PAPSS2: variants seen among roughly 807,000 people sequenced by gnomAD.
PAPSS2 encodes the protein 3'-phosphoadenosine 5'-phosphosulfate synthase 2, also known as bifunctional 3'-phosphoadenosine 5'-phosphosulfate synthase 2.
PAPSS2 carries 61 observed loss-of-function variants against 66.5 expected under a neutral mutation model. The observed-to-expected ratio is 0.92, with a 90% CI of 0.75 to 1.14. PAPSS2 has a LOEUF of 1.14. Ranked by LOEUF, PAPSS2 falls within the 50% of genes most tolerant of loss-of-function variation. The pLI is 0.00. For missense variants in PAPSS2, 708 were observed against 789.6 expected (o/e 0.90, Z 1.24); for synonymous variants, 289 against 287.5 (o/e 1.01, Z -0.05).
In PAPSS2 at chr10:87,715,315, T is replaced by A. The variant is rs1853519599; in HGVS notation, c.753+217T>A. Among the ~76,000 whole-genome samples the A allele has an allele frequency of 2.0e-5, 3 of 152,114 alleles. No homozygotes were observed. In the South Asian group the frequency reaches 6.2e-4, roughly 31 times the overall value. On this transcript the variant is annotated intron_variant, in intron 6 of 12. Transcript: ENST00000456849. ...AGCTGATCAATGCCATGTATGGAGG[T>A]GACTGGGAAAATAACTTCTGTATTT...
chr10:87,732,478 G>A (rs1415493602), intron 9 of PAPSS2, among the ~76,000 whole-genome samples: 4 of 151,600 alleles, frequency 2.6e-5, no homozygotes, highest in Non-Finnish European at 5.9e-5. Context: ...AGCTGTGATT[G>A]TATCAGTGCA....
chr10:87,732,447 T>C (rs1472907843), intron 9 of PAPSS2, among the ~76,000 whole-genome samples: 5 of 151,620 alleles, frequency 3.3e-5, no homozygotes, highest in Non-Finnish European at 5.9e-5. Flanking sequence ...CACCTGAGCC[T>C]GGGAAGTCGA....
At chr10:87,738,563 C>T (rs569698327) in intron 9 of PAPSS2, among the ~76,000 whole-genome samples, 1 of 152,126 alleles carries the variant, frequency 6.6e-6, no homozygotes, top group Non-Finnish European at 1.5e-5. Flanking sequence ...GCATGCACCA[C>T]CATGCCAGAT....
Position 87,706,108 on chromosome 10 carries a change from A to ATATATATGTGTGTGTGTG in PAPSS2, c.28-3087_28-3086insATATATGTGTGTGTGTGT. On this transcript the variant is annotated intron_variant, in intron 1 of 12. Coordinates refer to ENST00000456849, the MANE Select transcript of PAPSS2 (RefSeq NM_001015880.2). ...GGTATATATATATATATATATATAT[A>ATATATATGTGTGTGTGTG]TGTGTGTGTGTGTGTGTGTGTGTGT... Among the ~76,000 whole-genome samples, 9 of 52,022 alleles carry ATATATATGTGTGTGTGTG rather than the reference A, an allele frequency of 1.7e-4. 1 individual carries two copies. The highest frequency in any genetic ancestry group is 5.0e-4 in the African/African-American group (5 of 10,004). 34.1% of individuals were successfully genotyped at this position (52,022 alleles called of 152,430 possible). A position where few individuals can be genotyped will look rare whatever the true frequency, so the allele number is the denominator to read the frequency against.
At chr10:87,695,576 T>A (rs1486453524) in intron 1 of PAPSS2, among the ~76,000 whole-genome samples, 1 of 152,208 alleles carries the variant, frequency 6.6e-6, no homozygotes, top group Non-Finnish European at 1.5e-5. Context: ...GCTTACTGCC[T>A]ACTGTGGGAT....
At chr10:87,699,177 C>T (rs1389324843) in intron 1 of PAPSS2, among the ~76,000 whole-genome samples, 1 of 152,206 alleles carries the variant, frequency 6.6e-6, no homozygotes, top group Non-Finnish European at 1.5e-5. Context: ...ACCACATGAT[C>T]AAGTGAAATG....
intron 1 of PAPSS2, among the ~76,000 whole-genome samples, chr10:87,695,462 G>A (rs1853220391): frequency 1.3e-5 from 2 of 152,198 alleles, no homozygotes; most frequent in East Asian, 3.8e-4. Context: ...AGCAGGTTAG[G>A]GGGCAAAAGG....
intron 1 of PAPSS2, among the ~76,000 whole-genome samples, chr10:87,688,643 G>C (rs148269226): frequency 0.011 from 1,685 of 151,810 alleles, 35 homozygotes; most frequent in African/African-American, 0.039. Context: ...TGTATTTTTA[G>C]TAGAGACGGG....
intron 9 of PAPSS2, among the ~76,000 whole-genome samples, chr10:87,739,324 GT>G (rs1853839250): frequency 6.6e-6 from 1 of 152,166 alleles, no homozygotes; most frequent in South Asian, 2.1e-4. Flanking sequence ...TAAAAATAGG[GT>G]TTTAGCTAAT....
chr10:87,735,337 TCAAA>T (rs1365666216), intron 9 of PAPSS2, among the ~76,000 whole-genome samples: 7 of 152,194 alleles, frequency 4.6e-5, no homozygotes, highest in Admixed American at 4.6e-4. Flanking sequence ...ACATCTCTCT[TCAAA>T]CAGACAGGTT....
chr10:87,719,845 C>G (rs1157993710), intron 7 of PAPSS2, among the ~76,000 whole-genome samples: 1 of 152,086 alleles, frequency 6.6e-6, no homozygotes, highest in Non-Finnish European at 1.5e-5. Context: ...TCCCGCCCCC[C>G]ATCAGTGGTT....
chr10:87,706,023 C>T (rs1490605635), intron 1 of PAPSS2, among the ~76,000 whole-genome samples: 1 of 147,524 alleles, frequency 6.8e-6, no homozygotes, highest in Admixed American at 6.9e-5. Context: ...TGAGCCGCCG[C>T]GTCTGGCCAG....
intron 1 of PAPSS2, among the ~76,000 whole-genome samples, chr10:87,671,150 A>G (rs1852872754): frequency 6.6e-6 from 1 of 152,184 alleles, no homozygotes; most frequent in South Asian, 2.1e-4. Flanking sequence ...CAGAGCTGGA[A>G]CACAAGTGCC....
In PAPSS2 at chr10:87,745,118, T is replaced by C; in HGVS notation, c.1608T>C (p.His536=). 1 of 1,614,120 alleles carries C rather than the reference T, an allele frequency of 6.2e-7. No homozygotes were observed. Among genetic ancestry groups the C allele is most frequent in the Non-Finnish European group, 8.5e-7 (1 of 1,179,972 alleles). The change falls in exon 12 of 13, where the codon CAT becomes CAC. Residue 536 remains histidine, a synonymous_variant. Coordinates refer to ENST00000456849, the MANE Select transcript of PAPSS2 (RefSeq NM_001015880.2). ...ETKKDLYEPT[H]GGKVLSMAPG... ...AGAAGGATCTGTATGAACCCACTCA[T>C]GGGGGCAAGGTCTTGAGCATGGCCC...
chr10:87,684,150 T>A (rs1162069973), intron 1 of PAPSS2, among the ~76,000 whole-genome samples: 1 of 152,226 alleles, frequency 6.6e-6, no homozygotes, highest in African/African-American at 2.4e-5. Flanking sequence ...ATAATTTTAA[T>A]GCATGACCAA....
chr10:87,689,541 C>T (rs1671059308), intron 1 of PAPSS2, among the ~76,000 whole-genome samples: 1 of 150,996 alleles, frequency 6.6e-6, no homozygotes, highest in Admixed American at 6.6e-5. Flanking sequence ...TGGCGCATGC[C>T]TATAATCCCA....
rs114251830 is a variant in PAPSS2 at position 87,679,195 on chromosome 10, C to T, written c.27+19187C>T. Among the ~76,000 whole-genome samples the T allele has an allele frequency of 1.9e-3, 286 of 152,222 alleles. 2 individuals carry two copies. The highest frequency in any genetic ancestry group is 6.7e-3 in the African/African-American group (277 of 41,550). On this transcript the variant is annotated intron_variant, in intron 1 of 12. Coordinates refer to ENST00000456849, the MANE Select transcript of PAPSS2 (RefSeq NM_001015880.2). ...TCCAGGCACAGAAGGACAAACATTG[C>T]GTGTTTTCACTCATATGCAGAAGCT...
chr10:87,699,554 TAAG>T (rs1338485021), intron 1 of PAPSS2, among the ~76,000 whole-genome samples: 2 of 152,220 alleles, frequency 1.3e-5, no homozygotes, highest in Non-Finnish European at 2.9e-5. Context: ...CTTTGAACCT[TAAG>T]AATCAAACCA....
rs138503770 is a variant in PAPSS2 at position 87,732,040 on chromosome 10, T to A, written c.1086+4551T>A. The stretch of plus-strand genomic sequence containing the variant: ...AGCATCTCATGCTACAGAGAAATCT[T>A]TCATGAAAGAAAGAGTCAATTGATA... On this transcript the variant is annotated intron_variant, in intron 9 of 12. Coordinates refer to ENST00000456849, the MANE Select transcript of PAPSS2 (RefSeq NM_001015880.2). Among the ~76,000 whole-genome samples the A allele has an allele frequency of 3.3e-5, 5 of 152,284 alleles. No homozygotes were observed. In the East Asian group the frequency reaches 9.7e-4, roughly 29 times the overall value.
Sources: gnomAD v4.1 joint callset for allele counts (sites outside exome capture counted in the v4.1 genomes callset) on GRCh38, gnomAD v4.1.1 for gene constraint, MANE v1.5 for transcripts, NCBI Gene and HGNC (gene_info 2026-07-23, HGNC 2026-07-21) for gene names.